Variants in CYREN observed in about 807,000 individuals in gnomAD.
The protein encoded by CYREN is cell cycle regulator of NHEJ.
A neutral mutation model predicts 9.7 loss-of-function variants in CYREN; 7 were observed. That is an observed-to-expected ratio of 0.72 (90% confidence interval 0.41 to 1.36). The LOEUF is 1.36. Among genes scored for constraint, CYREN ranks in the 40% most tolerant of loss-of-function variants. The pLI is 0.01. For synonymous variants in CYREN, 76 were observed against 77.9 expected (o/e 0.98, Z 0.13); for missense variants, 215 against 198.1 (o/e 1.09, Z -0.51).
At chr7:135,139,415 C>T (rs1829412766) in intron 2 of CYREN, among the ~76,000 whole-genome samples, 1 of 150,110 alleles carries the variant, frequency 6.7e-6, no homozygotes, top group Non-Finnish European at 1.5e-5. Context: ...TGTCCTTTGC[C>T]CTTTTTTTTT....
Position 135,166,756 on chromosome 7 carries a change from T to C in CYREN, c.329A>G (p.Glu110Gly). ...PHTSSGSSSE[E>G]EDSGKQALAP... ...CAGTGCCTGTTTCCCACTGTCCTCT[T>C]CCTCACTGCTGCTCCCAGAACTTGT... is the stretch of plus-strand genomic sequence containing the variant. Residue 110 changes from glutamate to glycine, a missense_variant, in exon 4 of 4, where the codon GAA becomes GGA. Transcript: ENST00000393114. 1.2e-6 allele frequency: 2 copies of C among 1,614,098 alleles called. No individual in the cohort carries two copies. Among genetic ancestry groups the C allele is most frequent in the Non-Finnish European group, 1.7e-6 (2 of 1,180,022 alleles).
At chr7:135,154,488 T>A (rs1484193492) in intron 2 of CYREN, among the ~76,000 whole-genome samples, 2 of 152,238 alleles carry the variant, frequency 1.3e-5, no homozygotes, top group Non-Finnish European at 2.9e-5. Context: ...ATGTAGGCAT[T>A]TAATGCTATA....
upstream of CYREN, among the ~76,000 whole-genome samples, chr7:135,172,394 C>A (rs556399199): frequency 2.1e-5 from 3 of 144,934 alleles, no homozygotes; most frequent in Admixed American, 2.2e-4. Context: ...TTGGTATAAA[C>A]GGTAAAAGTG....
intron 2 of CYREN, among the ~76,000 whole-genome samples, chr7:135,126,772 G>A (rs923678630): frequency 6.6e-6 from 1 of 152,186 alleles, no homozygotes; most frequent in African/African-American, 2.4e-5. Flanking sequence ...ATGGGGAAAG[G>A]ATTCCCTGTT....
At chr7:135,158,787 T>C (rs1015776774) in intron 2 of CYREN, among the ~76,000 whole-genome samples, 20 of 152,160 alleles carry the variant, frequency 1.3e-4, no homozygotes, top group Non-Finnish European at 2.5e-4. Flanking sequence ...CAGGGGTGCA[T>C]GGGAGCACCT....
intron 2 of CYREN, among the ~76,000 whole-genome samples, chr7:135,118,454 A>G (rs6951313): frequency 0.44 from 66,453 of 152,008 alleles, 15,266 homozygotes; most frequent in East Asian, 0.78. Flanking sequence ...TCTGGTGTCA[A>G]TGGGGTCCAG....
In CYREN at chr7:135,169,019, T is replaced by C; in HGVS notation, c.-97A>G. On this transcript the variant is annotated 5_prime_UTR_variant, in exon 2 of 4. The change abolishes the stop of an existing upstream ORF in the 5' untranslated region. Coordinates refer to ENST00000393114, the MANE Select transcript of CYREN (RefSeq NM_024033.4). ...TCTCGTTCTCTCGTCACACCCGGAA[T>C]TACAGGTCCATTTGTCCTCAGTGGG... 1 of 1,205,006 alleles carries C rather than the reference T, an allele frequency of 8.3e-7. No individual in the cohort carries two copies. The allele number at this position is 1,205,006 out of a possible 1,614,324, so 74.6% of individuals were successfully genotyped here.
intron 2 of CYREN, among the ~76,000 whole-genome samples, chr7:135,131,407 G>A (rs1055707610): frequency 1.6e-4 from 24 of 151,608 alleles, no homozygotes; most frequent in Admixed American, 5.3e-4. Flanking sequence ...AAACCTGCAC[G>A]TTCTGCACAT....
chr7:135,137,093 C>A (rs1829362611), intron 2 of CYREN, among the ~76,000 whole-genome samples: 1 of 152,022 alleles, frequency 6.6e-6, no homozygotes, highest in Non-Finnish European at 1.5e-5. Context: ...CCTTCTCTGG[C>A]AAACCTTCCA....
chr7:135,139,666 T>G (rs1829417247), intron 2 of CYREN, among the ~76,000 whole-genome samples: 1 of 152,130 alleles, frequency 6.6e-6, no homozygotes, highest in African/African-American at 2.4e-5. Context: ...TCCAAAATGG[T>G]ATTTTCCAGG....
intron 2 of CYREN, among the ~76,000 whole-genome samples, chr7:135,102,530 T>G (rs1219177778): frequency 1.3e-5 from 2 of 152,108 alleles, no homozygotes; most frequent in Non-Finnish European, 2.9e-5. Flanking sequence ...CTCAGTATTA[T>G]GTGGCTATGA....
chr7:135,164,243 T>C (rs1336658397), downstream of CYREN, among the ~76,000 whole-genome samples: 1 of 152,194 alleles, frequency 6.6e-6, no homozygotes, highest in Non-Finnish European at 1.5e-5. Context: ...AATGACTTAT[T>C]TGCAAATAGG....
At chr7:135,167,265 G>T in intron 3 of CYREN, 1 of 1,071,966 alleles carries the variant, frequency 9.3e-7, no homozygotes, top group Non-Finnish European at 1.1e-6. Flanking sequence ...ATGACATAAC[G>T]CATGCTTTCA....
At chr7:135,115,620 A>G (rs963686153) in intron 2 of CYREN, 1 of 1,517,714 alleles carries the variant, frequency 6.6e-7, no homozygotes, top group Non-Finnish European at 8.9e-7. Context: ...CAGTAAGTCA[A>G]TACAATTTTA....
chr7:135,101,726 G>A (rs1823855224), intron 2 of CYREN, among the ~76,000 whole-genome samples: 1 of 152,100 alleles, frequency 6.6e-6, no homozygotes, highest in Admixed American at 6.6e-5. Context: ...TTTCTATACT[G>A]AAGTGCCCAA....
intron 1 of CYREN, among the ~76,000 whole-genome samples, chr7:135,170,004 C>A (rs572810789): frequency 2.0e-5 from 3 of 152,274 alleles, no homozygotes; most frequent in Non-Finnish European, 2.9e-5. Context: ...ACTCCTACCC[C>A]CTAAGGCGCC....
At chr7:135,148,881 T>A (rs760889092) in intron 2 of CYREN, among the ~76,000 whole-genome samples, 1 of 152,180 alleles carries the variant, frequency 6.6e-6, no homozygotes, top group Non-Finnish European at 1.5e-5. Flanking sequence ...ATGCATATTT[T>A]AAGAGATTTT....
At chr7:135,139,286 T>C (rs548543335) in intron 2 of CYREN, among the ~76,000 whole-genome samples, 13 of 152,182 alleles carry the variant, frequency 8.5e-5, no homozygotes, top group African/African-American at 2.9e-4. Context: ...TTCTGACTGT[T>C]GTGAGATGGT....
chr7:135,144,806 A>G (rs1277419643), intron 2 of CYREN, among the ~76,000 whole-genome samples: 2 of 151,104 alleles, frequency 1.3e-5, no homozygotes, highest in Non-Finnish European at 3.0e-5. Flanking sequence ...AGTGGCACGC[A>G]CCTGTAGTCC....
Sources: allele counts gnomAD v4.1 joint callset (sites outside exome capture counted in the v4.1 genomes callset), GRCh38; gene constraint gnomAD v4.1.1; transcripts MANE v1.5; gene names NCBI Gene and HGNC (gene_info 2026-07-23, HGNC 2026-07-21).